The following ACSL4 variants were observed in gnomAD, a reference collection of about 807,000 sequenced individuals.
The protein encoded by ACSL4 is long-chain-fatty-acid--CoA ligase 4.
In ACSL4, 9 loss-of-function variants were observed where a neutral mutation model predicts 49.1. The observed-to-expected ratio is 0.18, with a 90% confidence interval of 0.11 to 0.32. The LOEUF (loss-of-function observed/expected upper bound fraction) is 0.32, where lower values mean the gene tolerates loss of function less well. Among genes scored for constraint, ACSL4 ranks in the 10% least tolerant of loss-of-function variants. ACSL4 has a pLI of 1.00. For missense variants in ACSL4, 333 were observed against 493.7 expected (o/e 0.67, Z 3.08); for synonymous variants, 191 against 170.3 (o/e 1.12, Z -0.95).
chrX:109,644,199 G>A lies in ACSL4; in HGVS notation c.1856-13C>T. 1 of 1,199,114 alleles carries A rather than the reference G, an allele frequency of 8.3e-7. No homozygotes were observed. Among genetic ancestry groups the A allele is most frequent in the Non-Finnish European group, 1.1e-6 (1 of 886,564 alleles). On this transcript the variant is annotated splice_polypyrimidine_tract_variant and intron_variant, in intron 15 of 15. Transcript: ENST00000672401. ...CGCTCCAATTTCACTGAAATTAGAA[G>A]TGAAAGATGGGAGAAAAGGAGAGGG...
chrX:109,718,978 C>A (rs1254549819), intron 1 of ACSL4, among the ~76,000 whole-genome samples: 4 of 111,340 alleles, frequency 3.6e-5, no homozygotes, highest in African/African-American at 1.3e-4. Flanking sequence ...GCAAGGTGAT[C>A]CTTCAATCAG....
chrX:109,694,770 C>A (rs150390856), intron 2 of ACSL4, among the ~76,000 whole-genome samples: 1 of 111,644 alleles, frequency 9.0e-6, no homozygotes, highest in Non-Finnish European at 1.9e-5. Flanking sequence ...CTAACCAGCA[C>A]TGGTCTAAAA....
intron 2 of ACSL4, among the ~76,000 whole-genome samples, chrX:109,694,324 C>G (rs1014046405): frequency 2.1e-4 from 23 of 112,167 alleles, no homozygotes; most frequent in African/African-American, 7.1e-4. Context: ...AAGCAATTTT[C>G]AGAAGACCAG....
At chrX:109,680,570 C>T in intron 6 of ACSL4, among the ~76,000 whole-genome samples, 1 of 112,491 alleles carries the variant, frequency 8.9e-6, no homozygotes, top group Non-Finnish European at 1.9e-5. Flanking sequence ...TAAAATAAAT[C>T]CAAGCATTAA....
chrX:109,679,437 A>G (rs1230872717), intron 6 of ACSL4, among the ~76,000 whole-genome samples: 1 of 112,761 alleles, frequency 8.9e-6, no homozygotes, highest in East Asian at 2.8e-4. Flanking sequence ...ATTTTTATAT[A>G]CCAGTTAAAA....
At chrX:109,724,637 C>T (rs1243095476) in intron 1 of ACSL4, among the ~76,000 whole-genome samples, 1 of 111,069 alleles carries the variant, frequency 9.0e-6, no homozygotes. Context: ...TTGGGCTAGG[C>T]GTGGTGGCTC....
chrX:109,670,613 C>A (rs1285139290), intron 9 of ACSL4, among the ~76,000 whole-genome samples: 1 of 108,021 alleles, frequency 9.3e-6, no homozygotes, highest in African/African-American at 3.4e-5. Flanking sequence ...CTCCCTCTCC[C>A]TCCTCTCCCT....
At chrX:109,644,687 C>A (rs900196328) in intron 15 of ACSL4, among the ~76,000 whole-genome samples, 1 of 112,339 alleles carries the variant, frequency 8.9e-6, no homozygotes, top group Non-Finnish European at 1.9e-5. Context: ...CCAAGATGGC[C>A]AAATACGAAC....
At chrX:109,724,803 T>C (rs1927839233) in intron 1 of ACSL4, among the ~76,000 whole-genome samples, 1 of 109,921 alleles carries the variant, frequency 9.1e-6, no homozygotes. Context: ...TCCCAGCTAC[T>C]CGGGTGGCTG....
chrX:109,677,084 C>T (rs11798398), intron 8 of ACSL4, among the ~76,000 whole-genome samples: 44,083 of 108,389 alleles, frequency 0.41, 7,975 homozygotes, highest in Middle Eastern at 0.62. Context: ...CTCAGCCTCC[C>T]GAGTAGCTGG....
intron 9 of ACSL4, among the ~76,000 whole-genome samples, chrX:109,673,499 GT>G (rs1195279760): frequency 1.8e-5 from 2 of 112,188 alleles, no homozygotes; most frequent in African/African-American, 6.5e-5. Flanking sequence ...TCTTCTTTCT[GT>G]TTGAAAACTT....
At chrX:109,728,962 G>A (rs775903995) in intron 1 of ACSL4, among the ~76,000 whole-genome samples, 4 of 110,687 alleles carry the variant, frequency 3.6e-5, no homozygotes, top group Middle Eastern at 4.7e-3. Flanking sequence ...TGTAATCCCA[G>A]CACTTTGGGA....
At position 109,721,082 on chromosome X, in the gene ACSL4, G is replaced by A. The variant is rs1198602996; in HGVS notation, c.-66+12057C>T. Among the ~76,000 whole-genome samples, 4 of 112,377 alleles carry A rather than the reference G, an allele frequency of 3.6e-5. No individual in the cohort carries two copies. In the East Asian group the frequency reaches 8.3e-4, roughly 23 times the overall value. ...TGAAGCTGCTTCTCAACTTTCAGTC[G>A]TCATGTGGAACATAGATCTTTTACT... On this transcript the variant is annotated intron_variant, in intron 1 of 15. Transcript: ENST00000672401.
intron 2 of ACSL4, among the ~76,000 whole-genome samples, chrX:109,695,029 G>A (rs753387184): frequency 1.8e-5 from 2 of 111,530 alleles, no homozygotes; most frequent in African/African-American, 6.5e-5. Flanking sequence ...TTCGGCACAA[G>A]TATACATTGT....
intron 1 of ACSL4, among the ~76,000 whole-genome samples, chrX:109,699,238 A>G (rs1925684003): frequency 8.9e-6 from 1 of 111,868 alleles, no homozygotes; most frequent in Non-Finnish European, 1.9e-5. Flanking sequence ...GTGGTGGTGC[A>G]TGCCTATTAA....
chrX:109,647,887 T>G (rs1934802280), intron 15 of ACSL4, among the ~76,000 whole-genome samples: 1 of 111,450 alleles, frequency 9.0e-6, no homozygotes, highest in Non-Finnish European at 1.9e-5. Context: ...CAGAGAATAC[T>G]ACAAACACCT....
chrX:109,704,817 G>A (rs962873426), intron 1 of ACSL4, among the ~76,000 whole-genome samples: 2 of 111,787 alleles, frequency 1.8e-5, no homozygotes, highest in African/African-American at 6.5e-5. Context: ...AGTTATGAAA[G>A]ATGAAGAAGT....
chrX:109,669,128 C>T lies in ACSL4; in HGVS notation c.1048G>A (p.Glu350Lys), dbSNP rs777456352. Residue 350 changes from glutamate (E) to lysine (K), a missense_variant, in exon 10 of 16, where the codon GAG becomes AAG. By Grantham distance (56) the Glu-to-Lys change is moderately conservative. Around this residue, in one of 3 missense-constraint regions of ACSL4, gnomAD observed 175 missense variants for 275.8 expected, o/e 0.63. Coordinates refer to ENST00000672401, the MANE Select transcript of ACSL4 (RefSeq NM_001318510.2). The stretch of plus-strand genomic sequence containing the variant: ...AGAGTTTTCTGAATATAATTCATCT[C>T]TTGGACTTTGCTCATAACATTCTTA... Reference protein sequence around the residue: ...IYKNVMSKVQEMNYIQKTLFK... With the variant: ...IYKNVMSKVQKMNYIQKTLFK... 8.5e-7 allele frequency: 1 copy of T among 1,174,934 alleles called. No individual in the cohort carries two copies. The highest frequency in any genetic ancestry group is 1.2e-6 in the Non-Finnish European group (1 of 864,182).
chrX:109,674,322 T>G, intron 9 of ACSL4, 80 bp downstream of exon 9: 2 of 794,468 alleles, frequency 2.5e-6, no homozygotes, highest in Non-Finnish European at 3.8e-6. Context: ...TCTAAGAGTA[T>G]TACTTTTTAA....
Sources: gnomAD v4.1 joint callset for allele counts (sites outside exome capture counted in the v4.1 genomes callset) on GRCh38, gnomAD v4.1.1 for gene constraint, gnomAD v4.1.1 regional missense constraint, MANE v1.5 for transcripts, NCBI Gene and HGNC (gene_info 2026-07-23, HGNC 2026-07-21) for gene names.